FBXO22: variants seen among roughly 807,000 people sequenced by gnomAD.
FBXO22 encodes F-box protein 22.
In FBXO22, 13 loss-of-function variants were observed where a neutral mutation model predicts 37.2. The ratio of observed to expected loss-of-function variants is 0.35; its 90% CI spans 0.23 to 0.56. The LOEUF is 0.56. FBXO22 is among the 20% of genes least tolerant of loss of function. FBXO22 has a pLI of 0.87. For synonymous variants in FBXO22, 189 were observed against 189.1 expected (o/e 1.00, Z 0.00); for missense variants, 446 against 509.9 (o/e 0.87, Z 1.21).
rs2031098962 is a variant in FBXO22 at position 75,942,486 on chromosome 15, A to ACTT, written c.*9387_*9389dup. On this transcript the variant is annotated 3_prime_UTR_variant, in exon 7 of 7. Coordinates refer to ENST00000308275, the MANE Select transcript of FBXO22 (RefSeq NM_147188.3). ...TGCTCAGTTTTTCTGAAAATCTAAAACTTCTAATAAAGTCTATTAAAATTA... is the reference window on the plus strand; with the variant it reads ...TGCTCAGTTTTTCTGAAAATCTAAAACTTCTTCTAATAAAGTCTATTAAAATTA... The ACTT allele has an allele frequency of 6.6e-6, 1 of 152,144 alleles. No homozygotes were observed. Among genetic ancestry groups the ACTT allele is most frequent in the South Asian group, 2.1e-4 (1 of 4,820 alleles). 9.4% of individuals were successfully genotyped at this position (152,144 alleles called of 1,614,324 possible).
At chr15:75,911,516 CTT>C (rs1409651956) in intron 2 of FBXO22, among the ~76,000 whole-genome samples, 1 of 152,086 alleles carries the variant, frequency 6.6e-6, no homozygotes, top group East Asian at 1.9e-4. Flanking sequence ...ATTTTATTCT[CTT>C]AGTAGCAATT....
At chr15:75,924,978 C>T (rs530442383) in intron 5 of FBXO22, among the ~76,000 whole-genome samples, 72 of 152,240 alleles carry the variant, frequency 4.7e-4, no homozygotes, top group African/African-American at 1.2e-3. Context: ...GTTTTATTTG[C>T]GGAGAGTCCC....
At position 75,933,202 on chromosome 15, in the gene FBXO22, T is replaced by C; in HGVS notation, c.*100T>C. ...TATTTCAAACAAAAATAACTTTAGA[T>C]ATATCTTTTTTGTAGCTTTGATTGA... On this transcript the variant is annotated 3_prime_UTR_variant, in exon 7 of 7. Transcript: ENST00000308275. 1 of 998,930 alleles carries C rather than the reference T, an allele frequency of 1.0e-6. No individual in the cohort carries two copies. The highest frequency in any genetic ancestry group is 1.5e-6 in the Non-Finnish European group (1 of 682,946). The allele number at this position is 998,930 out of a possible 1,614,324, so 61.9% of individuals were successfully genotyped here. A position where few individuals can be genotyped will look rare whatever the true frequency, so the allele number is the denominator to read the frequency against.
intron 5 of FBXO22, among the ~76,000 whole-genome samples, chr15:75,928,516 A>AT (rs1205403496): frequency 6.6e-6 from 1 of 152,224 alleles, no homozygotes; most frequent in Non-Finnish European, 1.5e-5. Flanking sequence ...CTCATTTATA[A>AT]GTGGGAGCTA....
chr15:75,904,037 A>T lies in FBXO22; in HGVS notation c.74A>T (p.Asn25Ile). 1 of 1,569,288 alleles carries T rather than the reference A, an allele frequency of 6.4e-7. No individual in the cohort carries two copies. Among genetic ancestry groups the T allele is most frequent in the Non-Finnish European group, 8.6e-7 (1 of 1,156,578 alleles). The change falls in exon 1 of 7, where the codon AAC (asparagine) becomes ATC (isoleucine). Residue 25 changes from asparagine to isoleucine, a missense_variant. Physicochemically the swap from Asn to Ile is moderately radical, Grantham distance 149. Around this residue, in one of 2 missense-constraint regions of FBXO22, gnomAD observed 131 missense variants for 99.8 expected, o/e 1.31. Coordinates refer to ENST00000308275, the MANE Select transcript of FBXO22 (RefSeq NM_147188.3). ...VDPRSTFVLS[N>I]LAEVVERVLT... ...CCGCGGAGCACCTTCGTGTTGAGTA[A>T]CCTGGCGGAGGTGGTGGAGCGTGTG... is the stretch of plus-strand genomic sequence containing the variant.
chr15:75,930,223 G>C lies in FBXO22; in HGVS notation c.794+174G>C, dbSNP rs1001139690. On this transcript the variant is annotated intron_variant, in intron 6 of 6. Transcript: ENST00000308275. ...GCTTACTGAACATAATTCTGCTTACGGTTGAATAATTACATTTTTATATAT... is the reference window on the plus strand; with the variant it reads ...GCTTACTGAACATAATTCTGCTTACCGTTGAATAATTACATTTTTATATAT... The C allele has an allele frequency of 2.0e-5, 29 of 1,437,878 alleles. No homozygotes were observed. In the African/African-American group the frequency reaches 3.6e-4, roughly 18 times the overall value. The allele number at this position is 1,437,878 out of a possible 1,614,324, so 89.1% of individuals were successfully genotyped here.
intron 5 of FBXO22, among the ~76,000 whole-genome samples, chr15:75,919,443 T>TA (rs1900271057): frequency 6.6e-6 from 1 of 152,182 alleles, no homozygotes; most frequent in Non-Finnish European, 1.5e-5. Context: ...ATCTGTCAGT[T>TA]AAAAAATAAA....
Position 75,940,333 on chromosome 15 carries a change from TA to T in FBXO22, c.*7234del, listed in dbSNP as rs1289700383. The T allele has an allele frequency of 6.6e-6, 1 of 151,036 alleles. No individual in the cohort carries two copies. Among genetic ancestry groups the T allele is most frequent in the East Asian group, 1.9e-4 (1 of 5,196 alleles). The allele number at this position is 151,036 out of a possible 1,614,324, so 9.4% of individuals were successfully genotyped here. ...TGAAAACTACAAAACATTGCTTCAA[TA>T]AAGATAAAAATAAACGGAAATACAT... On this transcript the variant is annotated 3_prime_UTR_variant, in exon 7 of 7. Transcript: ENST00000308275.
chr15:75,916,976 C>T (rs1186720575), intron 4 of FBXO22, among the ~76,000 whole-genome samples: 1 of 152,066 alleles, frequency 6.6e-6, no homozygotes, highest in East Asian at 1.9e-4. Flanking sequence ...TACCCATATA[C>T]CCTTTATCTA....
At chr15:75,916,454 C>T (rs188851232) in intron 4 of FBXO22, among the ~76,000 whole-genome samples, 3 of 152,320 alleles carry the variant, frequency 2.0e-5, no homozygotes, top group Admixed American at 6.5e-5. Context: ...TGCTTGGTGT[C>T]TCTTCCTCCT....
intron 5 of FBXO22, among the ~76,000 whole-genome samples, chr15:75,929,156 T>G (rs2029915894): frequency 6.6e-6 from 1 of 152,136 alleles, no homozygotes; most frequent in South Asian, 2.1e-4. Flanking sequence ...CGCTCCAGTT[T>G]CTGCTTCTGT....
At position 75,934,904 on chromosome 15, in the gene FBXO22, T is replaced by C. The variant is rs1008261241; in HGVS notation, c.*1802T>C. The C allele has an allele frequency of 1.4e-4, 21 of 152,200 alleles. No individual in the cohort carries two copies. The highest frequency in any genetic ancestry group is 5.1e-4 in the African/African-American group (21 of 41,432). 9.4% of individuals were successfully genotyped at this position (152,200 alleles called of 1,614,324 possible). ...ATTGAATGGATTATTTTAAACAAAT[T>C]AATACTCATATAAAATGTTTTGCTG... is the stretch of plus-strand genomic sequence containing the variant. On this transcript the variant is annotated 3_prime_UTR_variant, in exon 7 of 7. Coordinates refer to ENST00000308275, the MANE Select transcript of FBXO22 (RefSeq NM_147188.3).
chr15:75,908,993 C>T (rs1186176110), intron 2 of FBXO22, among the ~76,000 whole-genome samples: 1 of 152,118 alleles, frequency 6.6e-6, no homozygotes, highest in African/African-American at 2.4e-5. Context: ...TTATAATGGA[C>T]CAACTTTTTT....
intron 4 of FBXO22, 56 bp from the exon 5 acceptor site, chr15:75,917,174 G>T (rs76581427): frequency 3.1e-6 from 4 of 1,282,400 alleles, no homozygotes; most frequent in Non-Finnish European, 4.4e-6. Flanking sequence ...GACCTAAACT[G>T]TAGTTATCTA....
rs1035391367 is a variant in FBXO22, at chr15:75,936,527, A to G, written c.*3425A>G. ...GGTTACAAGAACATGTGCTACTACAAAGTAGGAAACTGGCAGAAGCCAATA... is the reference window on the plus strand; with the variant it reads ...GGTTACAAGAACATGTGCTACTACAGAGTAGGAAACTGGCAGAAGCCAATA... On this transcript the variant is annotated 3_prime_UTR_variant, in exon 7 of 7. Coordinates refer to ENST00000308275, the MANE Select transcript of FBXO22 (RefSeq NM_147188.3). 1 of 152,338 alleles carries G rather than the reference A, an allele frequency of 6.6e-6. No homozygotes were observed. 9.4% of individuals were successfully genotyped at this position (152,338 alleles called of 1,614,324 possible).
At chr15:75,904,776 C>A (rs1466922682) in intron 2 of FBXO22, 147 bp downstream of exon 2, 5 of 725,824 alleles carry the variant, frequency 6.9e-6, no homozygotes, top group Non-Finnish European at 1.1e-5. Context: ...TTAGTGACTA[C>A]ACGGTAAGGA....
intron 1 of FBXO22, 171 bp from the exon 2 acceptor site, chr15:75,904,320 C>T (rs1899870130): frequency 8.8e-6 from 10 of 1,138,878 alleles, no homozygotes; most frequent in Non-Finnish European, 1.2e-5. Flanking sequence ...AGGTTTTCTC[C>T]ATATCTGGCT....
chr15:75,914,604 A>G (rs559456170), intron 4 of FBXO22, among the ~76,000 whole-genome samples: 3 of 152,294 alleles, frequency 2.0e-5, no homozygotes, highest in South Asian at 2.1e-4. Flanking sequence ...CTGCTTTGGT[A>G]CCACTCTTCA....
intron 6 of FBXO22, among the ~76,000 whole-genome samples, chr15:75,932,287 A>C (rs541597873): frequency 1.3e-5 from 2 of 152,212 alleles, no homozygotes; most frequent in South Asian, 4.1e-4. Context: ...AGTCGGGGGG[A>C]AGAGATGTTA....
Sources: allele counts gnomAD v4.1 joint callset (sites outside exome capture counted in the v4.1 genomes callset), GRCh38; gene constraint gnomAD v4.1.1; regional missense constraint gnomAD v4.1.1; transcripts MANE v1.5; gene names NCBI Gene and HGNC (gene_info 2026-07-23, HGNC 2026-07-21).